DTHD1: variants seen among roughly 807,000 people sequenced by gnomAD.
DTHD1 encodes the protein death domain-containing protein 1.
DTHD1 carries 59 observed loss-of-function variants against 74.8 expected under a neutral mutation model. The observed-to-expected ratio is 0.79, with a 90% CI of 0.64 to 0.98. The LOEUF is 0.98. Among genes scored for constraint, DTHD1 ranks in the 50% least tolerant of loss-of-function variants. The probability of loss-of-function intolerance (pLI) is 0.00; values close to 1 mark genes in which losing one functional copy is unlikely to be tolerated. For missense variants in DTHD1, 1,051 were observed against 1,065.4 expected, an observed-to-expected ratio of 0.99 and a Z score of 0.19; for synonymous variants, 365 against 371.1, an observed-to-expected ratio of 0.98 and a Z score of 0.19.
chr4:36,316,344 A>G lies in DTHD1; in HGVS notation c.2198A>G (p.Tyr733Cys), dbSNP rs1757729625. ...AAAGAAGTGGACGAATTTGGAAACT[A>G]TAGTTGCCCTCATTACAAAGGCACC... ...QIKEVDEFGN[Y>C]SCPHYKGTIV... is the part of the protein sequence containing the mutation. The change falls in exon 8 of 10, where the codon TAT (tyrosine) becomes TGT (cysteine). Residue 733 changes from tyrosine to cysteine, a missense_variant. By Grantham distance (194) the Tyr-to-Cys change is radical. Coordinates refer to ENST00000639862, the MANE Select transcript of DTHD1 (RefSeq NM_001170700.3). 8 of 1,552,178 alleles carry G rather than the reference A, an allele frequency of 5.2e-6. No homozygotes were observed. Among genetic ancestry groups the G allele is most frequent in the Non-Finnish European group, 7.0e-6 (8 of 1,147,076 alleles).
chr4:36,338,940 T>C (rs930585755), intron 8 of DTHD1, among the ~76,000 whole-genome samples, 172 bp from the exon 9 acceptor site: 2 of 152,216 alleles, frequency 1.3e-5, no homozygotes, highest in South Asian at 4.1e-4. Flanking sequence ...CTTGGCTTTA[T>C]CTTAGGAAAA....
At chr4:36,311,795 A>T (rs995118430) in intron 7 of DTHD1, 1 of 152,216 alleles carries the variant, frequency 6.6e-6, no homozygotes, top group Non-Finnish European at 1.5e-5. Flanking sequence ...GCAGAGCCTG[A>T]CAGTTAGAAT....
intron 8 of DTHD1, among the ~76,000 whole-genome samples, chr4:36,334,113 A>G (rs1758859024): frequency 6.6e-6 from 1 of 152,102 alleles, no homozygotes. Flanking sequence ...TCATTCTTCC[A>G]TGTACTCATT....
intron 8 of DTHD1, among the ~76,000 whole-genome samples, chr4:36,316,967 T>G (rs1757774605): frequency 6.6e-6 from 1 of 152,252 alleles, no homozygotes; most frequent in South Asian, 2.1e-4. Context: ...ATTATTTCTT[T>G]GAACATGTCA....
At chr4:36,336,404 C>G (rs1234970666) in intron 8 of DTHD1, among the ~76,000 whole-genome samples, 1 of 152,138 alleles carries the variant, frequency 6.6e-6, no homozygotes, top group Non-Finnish European at 1.5e-5. Context: ...CAAATGCTAG[C>G]ACTTGGGGGA....
chr4:36,324,838 T>G (rs1758248402), intron 8 of DTHD1, among the ~76,000 whole-genome samples: 1 of 152,072 alleles, frequency 6.6e-6, no homozygotes, highest in Non-Finnish European at 1.5e-5. Flanking sequence ...AAATGAATAG[T>G]AAGATGTTAA....
intron 5 of DTHD1, among the ~76,000 whole-genome samples, chr4:36,304,799 T>C (rs927728918): frequency 6.6e-6 from 1 of 152,238 alleles, no homozygotes; most frequent in African/African-American, 2.4e-5. Context: ...TCTAGGACTA[T>C]GTGGATCCTC....
At chr4:36,290,780 G>A in intron 3 of DTHD1, 77 bp downstream of exon 3, 1 of 1,186,016 alleles carries the variant, frequency 8.4e-7, no homozygotes, top group Non-Finnish European at 1.2e-6. Flanking sequence ...ACAGATTGTA[G>A]TGTAGATATA....
intron 6 of DTHD1, among the ~76,000 whole-genome samples, chr4:36,307,036 A>C (rs1757096830): frequency 6.6e-6 from 1 of 152,236 alleles, no homozygotes; most frequent in South Asian, 2.1e-4. Context: ...GGAGCTCTGC[A>C]GTGCGAGTAC....
chr4:36,315,946 G>A (rs13131112), intron 7 of DTHD1, among the ~76,000 whole-genome samples: 41,063 of 152,112 alleles, frequency 0.27, 5,984 homozygotes, highest in Non-Finnish European at 0.33. Context: ...TTTTTCGTTT[G>A]TTTGTTTGAG....
intron 2 of DTHD1, 82 bp downstream of exon 2, chr4:36,284,673 T>A: frequency 9.3e-7 from 1 of 1,072,526 alleles, no homozygotes; most frequent in Non-Finnish European, 1.3e-6. Flanking sequence ...CTTAGTTCAT[T>A]CAGGCTGCTA....
chr4:36,329,274 G>A (rs966315863), intron 8 of DTHD1, among the ~76,000 whole-genome samples: 6 of 152,148 alleles, frequency 3.9e-5, no homozygotes, highest in Non-Finnish European at 7.3e-5. Context: ...CTGTAGCCTT[G>A]GATAGTGGTT....
chr4:36,317,549 T>C (rs987387919), intron 8 of DTHD1, among the ~76,000 whole-genome samples: 1 of 152,166 alleles, frequency 6.6e-6, no homozygotes, highest in Non-Finnish European at 1.5e-5. Context: ...ATATAAAATA[T>C]ATAAAAATTA....
Position 36,316,243 on chromosome 4 carries a change from C to A in DTHD1, c.2097C>A (p.Ser699Arg). 1.4e-5 allele frequency: 21 copies of A among 1,548,768 alleles called. No homozygotes were observed. The highest frequency in any genetic ancestry group is 1.8e-5 in the Non-Finnish European group (21 of 1,146,314). ...LRFTGNIFAS[S>R]NGKDYGKDYT... The stretch of plus-strand genomic sequence containing the variant: ...TAAATACATTTTACTTCTATTTAGG[C>A]AACGGGAAGGATTATGGAAAAGACT... Residue 699 changes from serine to arginine, a missense_variant and splice_region_variant, in exon 8 of 10, where the codon AGC (serine) becomes AGA (arginine). Coordinates refer to ENST00000639862, the MANE Select transcript of DTHD1 (RefSeq NM_001170700.3).
chr4:36,299,955 G>A (rs544097371), intron 5 of DTHD1, among the ~76,000 whole-genome samples: 37 of 152,180 alleles, frequency 2.4e-4, no homozygotes, highest in Non-Finnish European at 4.6e-4. Flanking sequence ...GGGTGACAGA[G>A]TGAGACCCTG....
At chr4:36,323,863 A>C (rs1201229688) in intron 8 of DTHD1, among the ~76,000 whole-genome samples, 1 of 152,144 alleles carries the variant, frequency 6.6e-6, no homozygotes, top group Non-Finnish European at 1.5e-5. Context: ...AAAGTTTCCA[A>C]AATCTTCTCA....
intron 2 of DTHD1, among the ~76,000 whole-genome samples, chr4:36,284,945 C>A (rs1178060683): frequency 6.6e-6 from 1 of 152,178 alleles, no homozygotes; most frequent in Non-Finnish European, 1.5e-5. Context: ...AAAGGACCCA[C>A]CTCCTAATAC....
At chr4:36,337,714 T>C (rs780383891) in intron 8 of DTHD1, among the ~76,000 whole-genome samples, 1 of 152,226 alleles carries the variant, frequency 6.6e-6, no homozygotes, top group Non-Finnish European at 1.5e-5. Flanking sequence ...TCCATGTTTA[T>C]GTAATATTTG....
chr4:36,342,946 C>T (rs180760755), intron 9 of DTHD1, among the ~76,000 whole-genome samples: 32 of 147,072 alleles, frequency 2.2e-4, no homozygotes, highest in African/African-American at 6.9e-4. Flanking sequence ...AAAATCCCAT[C>T]GTGTGGTGGC....
Sources: allele counts gnomAD v4.1 joint callset (sites outside exome capture counted in the v4.1 genomes callset), GRCh38; gene constraint gnomAD v4.1.1; transcripts MANE v1.5; gene names NCBI Gene and HGNC (gene_info 2026-07-23, HGNC 2026-07-21).